Variants in RNLS observed in about 807,000 individuals in gnomAD.
RNLS encodes the protein renalase.
A neutral mutation model predicts 39.8 loss-of-function variants in RNLS; 39 were observed. That is an observed-to-expected ratio of 0.98 (90% confidence interval 0.76 to 1.28). The LOEUF (loss-of-function observed/expected upper bound fraction) is 1.28, where lower values mean the gene tolerates loss of function less well. Ranked by LOEUF, RNLS falls within the 50% of genes most tolerant of loss-of-function variation. The probability of loss-of-function intolerance (pLI) is 0.00; values close to 1 mark genes in which losing one functional copy is unlikely to be tolerated. For missense variants in RNLS, 410 were observed against 413.3 expected (o/e 0.99, Z 0.07); for synonymous variants, 147 against 150.7 (o/e 0.98, Z 0.18).
Position 88,358,202 on chromosome 10 carries a change from G to T in RNLS, c.700+4350C>A, listed in dbSNP as rs553559530. On this transcript the variant is annotated intron_variant, in intron 5 of 6. Transcript: ENST00000331772. The stretch of plus-strand genomic sequence containing the variant: ...AAATTTTCTCAAATTTTAACTCCAT[G>T]AAGATTTGAGTTTATTGGCAACAAG... Among the ~76,000 whole-genome samples the T allele has an allele frequency of 3.2e-3, 484 of 152,200 alleles. 3 individuals carry two copies. Among genetic ancestry groups the T allele is most frequent in the African/African-American group, 0.011 (461 of 41,522 alleles).
At chr10:88,320,706 G>T (rs982072025) in intron 5 of RNLS, among the ~76,000 whole-genome samples, 1 of 148,090 alleles carries the variant, frequency 6.8e-6, no homozygotes, top group African/African-American at 2.5e-5. Context: ...GACAAAGAAG[G>T]GTATTATATA....
the RNLS span, among the ~76,000 whole-genome samples, chr10:88,268,166 T>C: frequency 2.0e-5 from 3 of 152,216 alleles, no homozygotes; most frequent in Non-Finnish European, 4.4e-5. Flanking sequence ...TATTTCAATA[T>C]GCAAGCTCAC....
chr10:88,546,987 C>T (rs1036863688), intron 4 of RNLS, among the ~76,000 whole-genome samples: 1 of 151,720 alleles, frequency 6.6e-6, no homozygotes, highest in Non-Finnish European at 1.5e-5. Context: ...ATGATGCATC[C>T]AAAGCAGATA....
chr10:88,284,399 AGATT>A lies in RNLS; in HGVS notation c.*951_*954del. On this transcript the variant is annotated 3_prime_UTR_variant, in exon 7 of 7. Coordinates refer to ENST00000331772, the MANE Select transcript of RNLS (RefSeq NM_001031709.3). The stretch of plus-strand genomic sequence containing the variant: ...ACAGGTAGCTGGTTTGGAAGGCTGG[AGATT>A]GATTTCTCTCCAGCTAGCAAGTCGT... 2 of 985,360 alleles carry A rather than the reference AGATT, an allele frequency of 2.0e-6. No homozygotes were observed. The highest frequency in any genetic ancestry group is 2.4e-6 in the Non-Finnish European group (2 of 829,904). 61.0% of individuals were successfully genotyped at this position (985,360 alleles called of 1,614,324 possible).
intron 4 of RNLS, among the ~76,000 whole-genome samples, chr10:88,408,830 A>G (rs1225164728): frequency 1.3e-5 from 2 of 152,102 alleles, no homozygotes; most frequent in African/African-American, 4.8e-5. Context: ...GTGGAGACCT[A>G]TTTCTGAAAA....
chr10:88,381,598 A>C (rs1037657548), intron 4 of RNLS, among the ~76,000 whole-genome samples: 20 of 151,906 alleles, frequency 1.3e-4, no homozygotes, highest in African/African-American at 4.8e-4. Context: ...TTTCCCTCTA[A>C]TTGTAGATGA....
intron 4 of RNLS, among the ~76,000 whole-genome samples, chr10:88,501,577 T>C (rs1353667599): frequency 6.6e-6 from 1 of 152,170 alleles, no homozygotes; most frequent in Non-Finnish European, 1.5e-5. Context: ...ATTGCACCCC[T>C]GAGTTCCTCT....
intron 4 of RNLS, among the ~76,000 whole-genome samples, chr10:88,515,652 GA>G (rs1411447706): frequency 6.6e-6 from 1 of 151,938 alleles, no homozygotes. Flanking sequence ...ATCATTAAGG[GA>G]AAAAACTATA....
intron 4 of RNLS, among the ~76,000 whole-genome samples, chr10:88,365,312 A>T (rs1385518711): frequency 6.6e-6 from 1 of 152,082 alleles, no homozygotes; most frequent in Non-Finnish European, 1.5e-5. Flanking sequence ...TACTTTGTTT[A>T]AAAAAGTTTC....
At chr10:88,329,391 T>A (rs1439904095) in intron 5 of RNLS, among the ~76,000 whole-genome samples, 1 of 152,116 alleles carries the variant, frequency 6.6e-6, no homozygotes, top group Non-Finnish European at 1.5e-5. Flanking sequence ...TCCTTTGCAG[T>A]TAATTTTTCT....
the RNLS span, among the ~76,000 whole-genome samples, chr10:88,175,730 A>T: frequency 6.6e-6 from 1 of 152,220 alleles, no homozygotes; most frequent in South Asian, 2.1e-4. Flanking sequence ...CTGTTAGATA[A>T]AATGTTCTGT....
intron 4 of RNLS, among the ~76,000 whole-genome samples, chr10:88,510,022 T>G (rs1846023088): frequency 6.6e-6 from 1 of 152,178 alleles, no homozygotes; most frequent in Non-Finnish European, 1.5e-5. Flanking sequence ...CCCTAGGATA[T>G]TAACATTTGG....
chr10:88,476,952 T>C (rs1345044978), intron 4 of RNLS, among the ~76,000 whole-genome samples: 5 of 152,188 alleles, frequency 3.3e-5, no homozygotes, highest in African/African-American at 1.2e-4. Context: ...AGAGATAAGC[T>C]TGTAAATGCT....
the RNLS span, among the ~76,000 whole-genome samples, chr10:88,220,110 C>T: frequency 6.6e-6 from 1 of 152,304 alleles, no homozygotes; most frequent in South Asian, 2.1e-4. Flanking sequence ...AGCATAAACC[C>T]TCTAATTAGC....
chr10:88,458,147 G>A (rs564783343), intron 4 of RNLS, among the ~76,000 whole-genome samples: 1 of 152,280 alleles, frequency 6.6e-6, no homozygotes, highest in East Asian at 1.9e-4. Context: ...TCCCATCTGG[G>A]TTAGCTTTCC....
At chr10:88,345,927 G>A (rs1323626080) in intron 5 of RNLS, among the ~76,000 whole-genome samples, 1 of 152,086 alleles carries the variant, frequency 6.6e-6, no homozygotes, top group African/African-American at 2.4e-5. Context: ...GTCCATTGCA[G>A]TATATTAGAT....
intron 5 of RNLS, among the ~76,000 whole-genome samples, chr10:88,350,509 G>C (rs945056661): frequency 6.6e-6 from 1 of 152,066 alleles, no homozygotes; most frequent in African/African-American, 2.4e-5. Flanking sequence ...GCGATAGTTT[G>C]CTGAGAATGA....
the RNLS span, among the ~76,000 whole-genome samples, chr10:88,260,896 T>A: frequency 6.6e-6 from 1 of 152,238 alleles, no homozygotes; most frequent in Non-Finnish European, 1.5e-5. Context: ...AAAATGAACA[T>A]GTGCTGACAT....
At chr10:88,353,017 C>T (rs11492684) in intron 5 of RNLS, among the ~76,000 whole-genome samples, 36,510 of 151,964 alleles carry the variant, frequency 0.24, 4,792 homozygotes, top group Non-Finnish European at 0.28. Flanking sequence ...TGTGATGGTA[C>T]TTGGTATTTC....
Sources: allele counts gnomAD v4.1 joint callset (sites outside exome capture counted in the v4.1 genomes callset), GRCh38; gene constraint gnomAD v4.1.1; transcripts MANE v1.5; gene names NCBI Gene and HGNC (gene_info 2026-07-23, HGNC 2026-07-21).